The following FAM118B variants were observed in gnomAD, a reference collection of about 807,000 sequenced individuals.
The protein encoded by FAM118B is SIR2 antiphage like 1.
FAM118B carries 24 observed loss-of-function variants against 38.5 expected under a neutral mutation model. The ratio of observed to expected loss-of-function variants is 0.62; its 90% CI spans 0.45 to 0.88. The LOEUF is 0.88. Ranked by LOEUF, FAM118B falls within the 40% of genes least tolerant of loss-of-function variation. FAM118B has a pLI of 0.00. For missense variants in FAM118B, 334 were observed against 420.0 expected, an observed-to-expected ratio of 0.80 and a Z score of 1.79; for synonymous variants, 138 against 156.3, an observed-to-expected ratio of 0.88 and a Z score of 0.87.
intron 3 of FAM118B, among the ~76,000 whole-genome samples, chr11:126,237,527 C>T (rs1196131480): frequency 1.4e-5 from 2 of 143,860 alleles, no homozygotes; most frequent in East Asian, 4.2e-4. Context: ...CGTGAGCCAC[C>T]CCACCTGGCC....
rs1490636279 is a variant in FAM118B at position 126,255,409 on chromosome 11, C to T, written c.696+976C>T. On this transcript the variant is annotated intron_variant, in intron 6 of 8. Coordinates refer to ENST00000533050, the MANE Select transcript of FAM118B (RefSeq NM_024556.4). This position sits in a 1 kb window ranked among gnomAD's most constrained non-coding sequence, Gnocchi z 4.6. Reference sequence around the variant, plus strand: ...TTTCTTTTTACCCATTCTTTCCCAACATCTGCCATAACTGCATCCATCTCT... The same window carrying T: ...TTTCTTTTTACCCATTCTTTCCCAATATCTGCCATAACTGCATCCATCTCT... 6.6e-6 allele frequency among the ~76,000 whole-genome samples: 1 copy of T among 152,152 alleles called. No individual in the cohort carries two copies. The highest frequency in any genetic ancestry group is 1.5e-5 in the Non-Finnish European group (1 of 68,040).
chr11:126,211,853 C>T, intron 1 of FAM118B, 23 bp downstream of exon 1: 2 of 560,498 alleles, frequency 3.6e-6, no homozygotes, highest in Admixed American at 6.9e-5. Context: ...GGAAGCCGGG[C>T]TGGGGCTGGG....
rs543468484 is a variant in FAM118B, at chr11:126,229,603, C to T, written c.-8+310C>T. Among the ~76,000 whole-genome samples the T allele has an allele frequency of 1.7e-3, 255 of 152,198 alleles. 1 individual carries two copies. The highest frequency in any genetic ancestry group is 5.4e-3 in the African/African-American group (226 of 41,536). On this transcript the variant is annotated intron_variant, in intron 2 of 8. Coordinates refer to ENST00000533050, the MANE Select transcript of FAM118B (RefSeq NM_024556.4). ...GATTACAGGCGCCCACCACCGCACC[C>T]GGCTAAATTTTGTATTTTTAGTAGA...
chr11:126,252,537 G>GTT lies in FAM118B; in HGVS notation c.568-1767_568-1766dup, dbSNP rs1950518873. ...GAGGCGGGAGGATCACTTGAGCCTAGTTCAAGACCAACCTGGGCATCATAG... is the reference window on the plus strand; with the variant it reads ...GAGGCGGGAGGATCACTTGAGCCTAGTTTTCAAGACCAACCTGGGCATCATAG... On this transcript the variant is annotated intron_variant, in intron 5 of 8. Coordinates refer to ENST00000533050, the MANE Select transcript of FAM118B (RefSeq NM_024556.4). The surrounding 1 kb of genome is among the most constrained non-coding windows in gnomAD (Gnocchi z 4.7). Among the ~76,000 whole-genome samples the GTT allele has an allele frequency of 6.6e-6, 1 of 152,120 alleles. No individual in the cohort carries two copies. Among genetic ancestry groups the GTT allele is most frequent in the African/African-American group, 2.4e-5 (1 of 41,400 alleles).
intron 3 of FAM118B, among the ~76,000 whole-genome samples, chr11:126,239,680 A>T (rs1179936920): frequency 6.6e-6 from 1 of 152,100 alleles, no homozygotes; most frequent in Non-Finnish European, 1.5e-5. Context: ...GACCCAGCTA[A>T]TTTTTGTATT....
At chr11:126,224,079 G>A (rs1950104697) in intron 1 of FAM118B, among the ~76,000 whole-genome samples, 1 of 152,202 alleles carries the variant, frequency 6.6e-6, no homozygotes, top group South Asian at 2.1e-4. Flanking sequence ...CTGTGTGGCA[G>A]GCACTGTTCT....
Position 126,255,559 on chromosome 11 carries a change from T to G in FAM118B, c.697-1008T>G, listed in dbSNP as rs71475947. ...TCCTTGAGCAAATCCGATGATGGAA[T>G]TATCTTCTCTGGTGATTCACAGTTC... On this transcript the variant is annotated intron_variant, in intron 6 of 8. Transcript: ENST00000533050. The surrounding 1 kb of genome is among the most constrained non-coding windows in gnomAD (Gnocchi z 4.6). Among the ~76,000 whole-genome samples, 16,436 of 152,222 alleles carry G rather than the reference T, an allele frequency of 0.11. 1,157 individuals carry two copies. The highest frequency in any genetic ancestry group is 0.15 in the Non-Finnish European group (10,533 of 67,992).
At position 126,252,747 on chromosome 11, in the gene FAM118B, T is replaced by C. The variant is rs1418788253; in HGVS notation, c.568-1558T>C. On this transcript the variant is annotated intron_variant, in intron 5 of 8. Coordinates refer to ENST00000533050, the MANE Select transcript of FAM118B (RefSeq NM_024556.4). The surrounding 1 kb of genome is among the most constrained non-coding windows in gnomAD (Gnocchi z 4.7). Reference sequence around the variant, plus strand: ...GACAGCATAAGATCATGTCTCTAAATAAATAGGCTGGGCACAGTGGTTCAC... The same window carrying C: ...GACAGCATAAGATCATGTCTCTAAACAAATAGGCTGGGCACAGTGGTTCAC... Among the ~76,000 whole-genome samples, 2 of 151,884 alleles carry C rather than the reference T, an allele frequency of 1.3e-5. No homozygotes were observed. The highest frequency in any genetic ancestry group is 4.8e-5 in the African/African-American group (2 of 41,350).
intron 1 of FAM118B, among the ~76,000 whole-genome samples, chr11:126,216,999 G>A (rs1219430582): frequency 1.3e-5 from 2 of 152,254 alleles, no homozygotes; most frequent in Admixed American, 6.5e-5. Flanking sequence ...CATAGGGTGT[G>A]CATGCACACA....
Position 126,256,705 on chromosome 11 carries a change from C to T in FAM118B, c.835C>T (p.Arg279Trp), listed in dbSNP as rs749369900. The change falls in exon 7 of 9, where the codon CGG becomes TGG. Residue 279 changes from arginine (R) to tryptophan (W), a missense_variant. By Grantham distance (101) the Arg-to-Trp change is moderately radical. Coordinates refer to ENST00000533050, the MANE Select transcript of FAM118B (RefSeq NM_024556.4). The surrounding 1 kb of genome is among the most constrained non-coding windows in gnomAD (Gnocchi z 6.6). ...KSDLEHFMLV[R>W]RGDVDEFKKL... ...TGACCTAGAACATTTCATGCTGGTT[C>T]GGAGAGGAGACGTAGATGAGTTCAA... is the stretch of plus-strand genomic sequence containing the variant. 3.1e-6 allele frequency: 5 copies of T among 1,613,964 alleles called. No individual in the cohort carries two copies. The highest frequency in any genetic ancestry group is 1.3e-5 in the African/African-American group (1 of 74,888).
intron 1 of FAM118B, among the ~76,000 whole-genome samples, chr11:126,213,889 G>C (rs1949928054): frequency 6.6e-6 from 1 of 152,154 alleles, no homozygotes; most frequent in South Asian, 2.1e-4. Flanking sequence ...GGAACTTTTA[G>C]GTTTGTCTTG....
chr11:126,222,018 T>G (rs1950069733), intron 1 of FAM118B, among the ~76,000 whole-genome samples: 1 of 152,200 alleles, frequency 6.6e-6, no homozygotes, highest in Non-Finnish European at 1.5e-5. Context: ...AGGTGTAGAC[T>G]TGTTAAGAGT....
At chr11:126,223,027 G>C (rs543633364) in intron 1 of FAM118B, among the ~76,000 whole-genome samples, 1 of 151,662 alleles carries the variant, frequency 6.6e-6, no homozygotes, top group Non-Finnish European at 1.5e-5. Flanking sequence ...ATGCCAAGGA[G>C]GAGGGTGTGG....
chr11:126,220,426 C>A (rs1217032454), intron 1 of FAM118B, among the ~76,000 whole-genome samples: 1 of 151,766 alleles, frequency 6.6e-6, no homozygotes, highest in Admixed American at 6.6e-5. Flanking sequence ...AAGACTGATG[C>A]TTGGCTGGGC....
chr11:126,259,034 CA>C (rs1269898179), intron 7 of FAM118B, among the ~76,000 whole-genome samples: 2 of 152,176 alleles, frequency 1.3e-5, no homozygotes, highest in Non-Finnish European at 2.9e-5. Flanking sequence ...TATCTTTAAA[CA>C]AAATCAAGGA....
chr11:126,228,345 G>A (rs1213724964), intron 1 of FAM118B, among the ~76,000 whole-genome samples: 1 of 150,312 alleles, frequency 6.7e-6, no homozygotes, highest in Non-Finnish European at 1.5e-5. Context: ...GATTACAGGT[G>A]TGTGCCACCA....
intron 1 of FAM118B, among the ~76,000 whole-genome samples, chr11:126,226,169 C>G (rs1950139267): frequency 1.7e-5 from 2 of 115,580 alleles, no homozygotes; most frequent in African/African-American, 3.6e-5. Context: ...GAACGTGGCG[C>G]AAGTTCCTAT....
chr11:126,220,398 A>C (rs1591501647), intron 1 of FAM118B, among the ~76,000 whole-genome samples: 2 of 147,432 alleles, frequency 1.4e-5, no homozygotes, highest in African/African-American at 2.5e-5. Context: ...AATTGTTTTC[A>C]CTGGCCACTT....
In FAM118B at chr11:126,255,344, G is replaced by A. The variant is rs1042669297; in HGVS notation, c.696+911G>A. ...AGCATCTTTTAATAATGAGGCAAAA[G>A]ACCGAGAAAATGTATTGTCTAAAGC... On this transcript the variant is annotated intron_variant, in intron 6 of 8. Coordinates refer to ENST00000533050, the MANE Select transcript of FAM118B (RefSeq NM_024556.4). The surrounding 1 kb of genome is among the most constrained non-coding windows in gnomAD (Gnocchi z 4.6). 6.6e-6 allele frequency among the ~76,000 whole-genome samples: 1 copy of A among 152,128 alleles called. No individual in the cohort carries two copies. Among genetic ancestry groups the A allele is most frequent in the Non-Finnish European group, 1.5e-5 (1 of 68,010 alleles).
Sources: gnomAD v4.1 joint callset for allele counts (sites outside exome capture counted in the v4.1 genomes callset) on GRCh38, gnomAD v4.1.1 for gene constraint, Gnocchi (gnomAD v3.1) non-coding constraint, MANE v1.5 for transcripts, NCBI Gene and HGNC (gene_info 2026-07-23, HGNC 2026-07-21) for gene names.